Variants in PLG observed in about 807,000 individuals in gnomAD.
The protein encoded by PLG is plasminogen, also known as plasmin.
A neutral mutation model predicts 104.4 loss-of-function variants in PLG; 41 were observed. That is an observed-to-expected ratio of 0.39 (90% confidence interval 0.31 to 0.51). The LOEUF (loss-of-function observed/expected upper bound fraction) is 0.51, where lower values mean the gene tolerates loss of function less well. Among genes scored for constraint, PLG ranks in the 20% least tolerant of loss-of-function variants. PLG has a pLI of 0.76. For missense variants in PLG, 891 were observed against 1,003.6 expected (o/e 0.89, Z 1.52); for synonymous variants, 337 against 357.1 (o/e 0.94, Z 0.63).
chr6:160,733,067 C>A (rs2115174994), intron 12 of PLG, among the ~76,000 whole-genome samples: 1 of 152,264 alleles, frequency 6.6e-6, no homozygotes, highest in South Asian at 2.1e-4. Context: ...AAGAACCCAC[C>A]AAGAGTTGCT....
At position 160,723,303 on chromosome 6, in the gene PLG, C is replaced by T. The variant is rs956678291; in HGVS notation, c.1256+736C>T. Among the ~76,000 whole-genome samples, 16 of 152,186 alleles carry T rather than the reference C, an allele frequency of 1.1e-4. No individual in the cohort carries two copies. The highest frequency in any genetic ancestry group is 3.9e-4 in the African/African-American group (16 of 41,534). On this transcript the variant is annotated intron_variant, in intron 10 of 18. Coordinates refer to ENST00000308192, the MANE Select transcript of PLG (RefSeq NM_000301.5). The surrounding 1 kb of genome is among the most constrained non-coding windows in gnomAD (Gnocchi z 4.7). ...GCAGATGCTGAACAGCGAAAGAGGC[C>T]ATTAGATGAACAGAAAACCAGGTCT...
chr6:160,737,563 C>G lies in PLG; in HGVS notation c.1802+556C>G, dbSNP rs1778107300. On this transcript the variant is annotated intron_variant, in intron 14 of 18. Coordinates refer to ENST00000308192, the MANE Select transcript of PLG (RefSeq NM_000301.5). The surrounding 1 kb of genome is among the most constrained non-coding windows in gnomAD (Gnocchi z 4.7). ...AGTGATCAGTCCAATCCCAGGGAAC[C>G]TGGACATTTTGGGTATTGTTTCAGT... is the stretch of plus-strand genomic sequence containing the variant. Among the ~76,000 whole-genome samples the G allele has an allele frequency of 6.6e-6, 1 of 152,142 alleles. No individual in the cohort carries two copies. Among genetic ancestry groups the G allele is most frequent in the South Asian group, 2.1e-4 (1 of 4,830 alleles).
rs919253168 is a variant in PLG at position 160,736,577 on chromosome 6, AAATAACCATTTGTCCCAATC to A, written c.1682-307_1682-288del. 1.5e-4 allele frequency among the ~76,000 whole-genome samples: 23 copies of A among 152,342 alleles called. No homozygotes were observed. The highest frequency in any genetic ancestry group is 8.3e-4 in the South Asian group (4 of 4,830). On this transcript the variant is annotated intron_variant, in intron 13 of 18. Transcript: ENST00000308192. This position sits in a 1 kb window ranked among gnomAD's most constrained non-coding sequence, Gnocchi z 5.2. The stretch of plus-strand genomic sequence containing the variant: ...TGCATGGAGTCAGAATAACAATGAC[AAATAACCATTTGTCCCAATC>A]AAGGTTTTCTCAGAAAATATCTCAT...
intron 6 of PLG, among the ~76,000 whole-genome samples, chr6:160,715,739 T>C (rs1487183855): frequency 1.3e-5 from 2 of 152,154 alleles, no homozygotes; most frequent in African/African-American, 2.4e-5. Context: ...CCATTCCAAA[T>C]AGCTAGCTTA....
intron 1 of PLG, chr6:160,705,248 C>A (rs1777497692): frequency 6.6e-6 from 1 of 152,314 alleles, no homozygotes; most frequent in Non-Finnish European, 1.5e-5. Flanking sequence ...ATAGAGCTAC[C>A]AAAGCTCAGC....
chr6:160,734,393 A>G lies in PLG; in HGVS notation c.1681+305A>G, dbSNP rs1730034514. Reference sequence around the variant, plus strand: ...TGAATGCTGCCATGTCTAGCGTGGGATGCATGAAAAATTTAGAGTCATTCG... The same window carrying G: ...TGAATGCTGCCATGTCTAGCGTGGGGTGCATGAAAAATTTAGAGTCATTCG... On this transcript the variant is annotated intron_variant, in intron 13 of 18. Transcript: ENST00000308192. The surrounding 1 kb of genome is among the most constrained non-coding windows in gnomAD (Gnocchi z 4.4). 6.6e-6 allele frequency among the ~76,000 whole-genome samples: 1 copy of G among 152,192 alleles called. No homozygotes were observed. The highest frequency in any genetic ancestry group is 2.4e-5 in the African/African-American group (1 of 41,438).
In PLG at chr6:160,740,455, T is replaced by C. The variant is rs1339929792; in HGVS notation, c.2019-856T>C. On this transcript the variant is annotated intron_variant, in intron 16 of 18. Coordinates refer to ENST00000308192, the MANE Select transcript of PLG (RefSeq NM_000301.5). This position sits in a 1 kb window ranked among gnomAD's most constrained non-coding sequence, Gnocchi z 5.2. ...AGGCTGATACATTTCGAGTTTAGAG[T>C]TCCCACCCCACATCCCCACACCCCG... 6.6e-6 allele frequency among the ~76,000 whole-genome samples: 1 copy of C among 152,006 alleles called. No individual in the cohort carries two copies. The highest frequency in any genetic ancestry group is 1.5e-5 in the Non-Finnish European group (1 of 67,996).
intron 10 of PLG, among the ~76,000 whole-genome samples, chr6:160,730,013 C>T (rs1442344889): frequency 1.3e-5 from 2 of 152,032 alleles, no homozygotes; most frequent in Non-Finnish European, 1.5e-5. Flanking sequence ...TGTGTAGAGT[C>T]GCTAGAGAGA....
chr6:160,751,022 G>C (rs1242474629), intron 17 of PLG, among the ~76,000 whole-genome samples: 1 of 152,130 alleles, frequency 6.6e-6, no homozygotes, highest in African/African-American at 2.4e-5. Flanking sequence ...ATTAGAAAAT[G>C]AATCAGGACA....
rs1205444054 is a variant in PLG at position 160,741,918 on chromosome 6, T to C, written c.2125+501T>C. Among the ~76,000 whole-genome samples, 1 of 152,124 alleles carries C rather than the reference T, an allele frequency of 6.6e-6. No homozygotes were observed. Among genetic ancestry groups the C allele is most frequent in the Admixed American group, 6.5e-5 (1 of 15,278 alleles). On this transcript the variant is annotated intron_variant, in intron 17 of 18. Transcript: ENST00000308192. The surrounding 1 kb of genome is among the most constrained non-coding windows in gnomAD (Gnocchi z 4.7). ...ATAACTGTGAACATGTGGTATTTGGTTTTCTGTTCCTGTGTTAGTTTTCTA... is the reference window on the plus strand; with the variant it reads ...ATAACTGTGAACATGTGGTATTTGGCTTTCTGTTCCTGTGTTAGTTTTCTA...
chr6:160,735,742 TCA>T lies in PLG; in HGVS notation c.1682-1144_1682-1143del, dbSNP rs1778075834. ...AATAAGCAAAAATAAATAGAAACATTCAGTTTTGTTTTGAATAGTAGGAGCAG... is the reference window on the plus strand; with the variant it reads ...AATAAGCAAAAATAAATAGAAACATTGTTTTGTTTTGAATAGTAGGAGCAG... On this transcript the variant is annotated intron_variant, in intron 13 of 18. Coordinates refer to ENST00000308192, the MANE Select transcript of PLG (RefSeq NM_000301.5). The surrounding 1 kb of genome is among the most constrained non-coding windows in gnomAD (Gnocchi z 5.4). Among the ~76,000 whole-genome samples the T allele has an allele frequency of 6.6e-6, 1 of 152,142 alleles. No individual in the cohort carries two copies. The highest frequency in any genetic ancestry group is 2.1e-4 in the South Asian group (1 of 4,802).
rs1179206202 is a variant in PLG at position 160,735,367 on chromosome 6, A to G, written c.1681+1279A>G. Reference sequence around the variant, plus strand: ...TGGGACTCATGCACCTTTGACTCCCATGGAAGGGAAGTGCAGTAGTTTCCC... The same window carrying G: ...TGGGACTCATGCACCTTTGACTCCCGTGGAAGGGAAGTGCAGTAGTTTCCC... On this transcript the variant is annotated intron_variant, in intron 13 of 18. Coordinates refer to ENST00000308192, the MANE Select transcript of PLG (RefSeq NM_000301.5). This position sits in a 1 kb window ranked among gnomAD's most constrained non-coding sequence, Gnocchi z 5.4. Among the ~76,000 whole-genome samples the G allele has an allele frequency of 6.6e-6, 1 of 152,154 alleles. No homozygotes were observed. The highest frequency in any genetic ancestry group is 1.5e-5 in the Non-Finnish European group (1 of 68,024).
chr6:160,740,205 G>GC lies in PLG; in HGVS notation c.2018+997_2018+998insC, dbSNP rs1429747389. On this transcript the variant is annotated intron_variant, in intron 16 of 18. Coordinates refer to ENST00000308192, the MANE Select transcript of PLG (RefSeq NM_000301.5). This position sits in a 1 kb window ranked among gnomAD's most constrained non-coding sequence, Gnocchi z 5.2. ...TCTCTGGGTCTGTGAACTGAGGGGTGATGTCCTGGGATGCTCTGACACTCT... is the reference window on the plus strand; with the variant it reads ...TCTCTGGGTCTGTGAACTGAGGGGTGCATGTCCTGGGATGCTCTGACACTCT... 6.6e-6 allele frequency among the ~76,000 whole-genome samples: 1 copy of GC among 152,200 alleles called. No individual in the cohort carries two copies. The highest frequency in any genetic ancestry group is 2.4e-5 in the African/African-American group (1 of 41,446).
chr6:160,722,637 C>G, intron 10 of PLG, 70 bp downstream of exon 10: 1 of 1,440,876 alleles, frequency 6.9e-7, no homozygotes, highest in Non-Finnish European at 9.8e-7. Flanking sequence ...AGCCATGCTT[C>G]ATGCTTCAAG....
In PLG at chr6:160,732,437, G is replaced by A. The variant is rs1228855514; in HGVS notation, c.1587+544G>A. On this transcript the variant is annotated intron_variant, in intron 12 of 18. Coordinates refer to ENST00000308192, the MANE Select transcript of PLG (RefSeq NM_000301.5). The surrounding 1 kb of genome is among the most constrained non-coding windows in gnomAD (Gnocchi z 4.5). ...AACACTTCTCACACCAGATGTGGGG[G>A]GATTTCTCCTCACACCCCAAGCGAG... Among the ~76,000 whole-genome samples, 1 of 152,094 alleles carries A rather than the reference G, an allele frequency of 6.6e-6. No homozygotes were observed. The highest frequency in any genetic ancestry group is 1.5e-5 in the Non-Finnish European group (1 of 68,022).
Position 160,738,986 on chromosome 6 carries a change from G to C in PLG, c.1878-82G>C. On this transcript the variant is annotated intron_variant, in intron 15 of 18. Transcript: ENST00000308192. The surrounding 1 kb of genome is among the most constrained non-coding windows in gnomAD (Gnocchi z 6.8). ...ATTCTGAGTGGCCAAGGGTGTCAGG[G>C]AGACAGCACCAATTTCATGGCACAG... 1 of 1,547,906 alleles carries C rather than the reference G, an allele frequency of 6.5e-7. No individual in the cohort carries two copies. The highest frequency in any genetic ancestry group is 1.1e-5 in the South Asian group (1 of 89,584).
At chr6:160,718,560 GA>G in intron 8 of PLG, 104 bp downstream of exon 8, 1 of 1,356,956 alleles carries the variant, frequency 7.4e-7, no homozygotes, top group Non-Finnish European at 1.1e-6. Context: ...TATTCTGGAA[GA>G]AAAACTGATC....
intron 1 of PLG, among the ~76,000 whole-genome samples, chr6:160,703,353 G>A (rs1462978452): frequency 6.6e-6 from 1 of 151,376 alleles, no homozygotes; most frequent in Non-Finnish European, 1.5e-5. Context: ...TCAAGATATT[G>A]AGAGTTGTGC....
At position 160,752,372 on chromosome 6, in the gene PLG, C is replaced by A. The variant is rs534776646; in HGVS notation, c.2271+112C>A. The A allele has an allele frequency of 6.0e-5, 56 of 926,562 alleles. No homozygotes were observed. Among genetic ancestry groups the A allele is most frequent in the Non-Finnish European group, 9.6e-5 (54 of 564,632 alleles). 57.4% of individuals were successfully genotyped at this position (926,562 alleles called of 1,614,324 possible). A position where few individuals can be genotyped will look rare whatever the true frequency, so the allele number is the denominator to read the frequency against. On this transcript the variant is annotated intron_variant, in intron 18 of 18. Coordinates refer to ENST00000308192, the MANE Select transcript of PLG (RefSeq NM_000301.5). The surrounding 1 kb of genome is among the most constrained non-coding windows in gnomAD (Gnocchi z 4.7). ...TTCAAGGATTTTCAACCGAAGACCC[C>A]AGTCTAAGTGTTGTTTAGAAACTTC...
Sources: allele counts gnomAD v4.1 joint callset (sites outside exome capture counted in the v4.1 genomes callset), GRCh38; gene constraint gnomAD v4.1.1; non-coding constraint Gnocchi (gnomAD v3.1); transcripts MANE v1.5; gene names NCBI Gene and HGNC (gene_info 2026-07-23, HGNC 2026-07-21).